The following ITSN2 variants were observed in gnomAD, a reference collection of about 807,000 sequenced individuals.
ITSN2 encodes intersectin 2, also known as intersectin-2.
In ITSN2, 156 loss-of-function variants were observed where a neutral mutation model predicts 243.7. The ratio of observed to expected loss-of-function variants is 0.64; its 90% CI spans 0.56 to 0.73. The LOEUF is 0.73. Ranked by LOEUF, ITSN2 falls within the 30% of genes least tolerant of loss-of-function variation. ITSN2 has a pLI of 0.00. For missense variants in ITSN2, 1,801 were observed against 1,996.1 expected, an observed-to-expected ratio of 0.90 and a Z score of 1.86; for synonymous variants, 703 against 699.9, an observed-to-expected ratio of 1.00 and a Z score of -0.07.
chr2:24,343,423 T>C (rs192327235), intron 1 of ITSN2, among the ~76,000 whole-genome samples: 26 of 152,318 alleles, frequency 1.7e-4, no homozygotes, highest in Non-Finnish European at 7.4e-5. Flanking sequence ...AGTAATCTTC[T>C]ATTTTTCCAG....
intron 4 of ITSN2, 118 bp from the exon 5 acceptor site, chr2:24,312,493 T>C (rs1186047908): frequency 1.7e-6 from 1 of 586,824 alleles, no homozygotes; most frequent in African/African-American, 1.9e-5. Context: ...ACATCATCAC[T>C]AAATTTAAAA....
chr2:24,337,325 T>TATATACATAC (rs1386839125), intron 1 of ITSN2, among the ~76,000 whole-genome samples: 1 of 94,472 alleles, frequency 1.1e-5, no homozygotes, highest in Non-Finnish European at 2.1e-5. Flanking sequence ...AATATATATA[T>TATATACATAC]ATATATATAT....
intron 1 of ITSN2, chr2:24,334,598 C>A: frequency 9.3e-7 from 1 of 1,070,658 alleles, no homozygotes. Flanking sequence ...ACAAGAAGGG[C>A]AAGAATTCTC....
intron 34 of ITSN2, chr2:24,210,308 G>A (rs1233652176): frequency 4.6e-6 from 2 of 430,678 alleles, no homozygotes; most frequent in Admixed American, 3.7e-5. Context: ...TCTCTCCTTA[G>A]GAGAAAGGAA....
chr2:24,275,346 G>C (rs184928697), intron 18 of ITSN2, among the ~76,000 whole-genome samples: 1 of 152,262 alleles, frequency 6.6e-6, no homozygotes, highest in African/African-American at 2.4e-5. Flanking sequence ...GTGTCACCAC[G>C]CCCAGTTCCA....
rs144301573 is a variant in ITSN2 at position 24,286,434 on chromosome 2, T to A, written c.1724-83A>T. On this transcript the variant is annotated intron_variant, in intron 15 of 39. Coordinates refer to ENST00000355123, the MANE Select transcript of ITSN2 (RefSeq NM_006277.3). ...CATGTCATTTACTGTTTGGTCAGAT[T>A]GATGTAACTAGACCAATACGAAGGA... The A allele has an allele frequency of 2.0e-5, 23 of 1,161,200 alleles. No individual in the cohort carries two copies. In the African/African-American group the frequency reaches 3.2e-4, roughly 16 times the overall value. 71.9% of individuals were successfully genotyped at this position (1,161,200 alleles called of 1,614,324 possible).
chr2:24,263,498 C>G (rs1325199842), intron 20 of ITSN2, among the ~76,000 whole-genome samples: 1 of 152,084 alleles, frequency 6.6e-6, no homozygotes, highest in Non-Finnish European at 1.5e-5. Context: ...TGAAAAATCA[C>G]CACAATCAAG....
At chr2:24,300,704 GA>G (rs569520202) in intron 11 of ITSN2, among the ~76,000 whole-genome samples, 10,542 of 136,640 alleles carry the variant, frequency 0.077, 381 homozygotes, top group Middle Eastern at 0.12. Flanking sequence ...GGGCAACAAG[GA>G]AAAAAAAAAA....
chr2:24,248,958 T>TAA, intron 25 of ITSN2, 76 bp from the exon 26 acceptor site: 3 of 1,369,542 alleles, frequency 2.2e-6, no homozygotes, highest in Non-Finnish European at 3.1e-6. Flanking sequence ...TAATGGGAAT[T>TAA]AGAGATTTCA....
intron 30 of ITSN2, chr2:24,220,181 A>G (rs985337966): frequency 4.2e-6 from 1 of 239,004 alleles, no homozygotes; most frequent in African/African-American, 2.3e-5. Context: ...TATGAAAGGC[A>G]TGGCCAGGTA....
intron 36 of ITSN2, among the ~76,000 whole-genome samples, chr2:24,208,816 C>T (rs760682435): frequency 1.3e-5 from 2 of 152,194 alleles, no homozygotes; most frequent in Admixed American, 6.5e-5. Flanking sequence ...CTGTCGCCTG[C>T]GGGCAGCCCC....
chr2:24,208,951 T>C (rs1314225637), intron 36 of ITSN2, 149 bp downstream of exon 36: 28 of 795,744 alleles, frequency 3.5e-5, no homozygotes, highest in East Asian at 5.5e-5. Context: ...AGGCCTACCA[T>C]GGGACTGGAG....
chr2:24,304,728 A>G (rs1328141840), intron 8 of ITSN2, among the ~76,000 whole-genome samples: 1 of 152,208 alleles, frequency 6.6e-6, no homozygotes, highest in Non-Finnish European at 1.5e-5. Context: ...TTGGACTGAA[A>G]GAAGATCCCT....
chr2:24,218,068 G>T, intron 30 of ITSN2, 55 bp from the exon 31 acceptor site: 2 of 1,143,140 alleles, frequency 1.7e-6, no homozygotes, highest in Non-Finnish European at 2.6e-6. Flanking sequence ...CACAGCCTAC[G>T]TGTGGTCTAA....
Position 24,251,309 on chromosome 2 carries a change from C to CAAAAAAAAAATTAAAAA in ITSN2, c.3120+1035_3120+1036insTTTTTAATTTTTTTTTT. Among the ~76,000 whole-genome samples, 4 of 22,012 alleles carry CAAAAAAAAAATTAAAAA rather than the reference C, an allele frequency of 1.8e-4. 2 individuals are homozygous for CAAAAAAAAAATTAAAAA. Among genetic ancestry groups the CAAAAAAAAAATTAAAAA allele is most frequent in the Middle Eastern group, 0.056 (2 of 36 alleles). The allele number at this position is 22,012 out of a possible 152,430, so 14.4% of individuals were successfully genotyped here. On this transcript the variant is annotated intron_variant, in intron 25 of 39. Transcript: ENST00000355123. ...TGGGCAACAGAACTAAACTCCATCT[C>CAAAAAAAAAATTAAAAA]AAAAAAAAAAAAAAATAAAATATAT...
rs189256284 is a variant in ITSN2 at position 24,231,264 on chromosome 2, A to C, written c.3578-10198T>G. Among the ~76,000 whole-genome samples, 138 of 152,328 alleles carry C rather than the reference A, an allele frequency of 9.1e-4. 1 individual carries two copies. The highest frequency in any genetic ancestry group is 3.4e-3 in the Middle Eastern group (1 of 294). ...TTTAGCCTACTCAAACACCAGCTCC[A>C]AGATGGCAGAAATTTTTGTCTTATA... On this transcript the variant is annotated intron_variant, in intron 29 of 39. Transcript: ENST00000355123.
At chr2:24,285,694 G>A (rs1160435633) in intron 16 of ITSN2, among the ~76,000 whole-genome samples, 3 of 152,144 alleles carry the variant, frequency 2.0e-5, no homozygotes, top group East Asian at 3.8e-4. Flanking sequence ...CTGCCACTGC[G>A]GCAAACAATG....
At chr2:24,358,423 G>A (rs757978928) in intron 1 of ITSN2, among the ~76,000 whole-genome samples, 14 of 152,176 alleles carry the variant, frequency 9.2e-5, no homozygotes, top group South Asian at 2.1e-4. Context: ...AAATGATTAT[G>A]TAAAACACTT....
chr2:24,229,390 C>A (rs904584835), intron 29 of ITSN2, among the ~76,000 whole-genome samples: 6 of 151,940 alleles, frequency 3.9e-5, no homozygotes, highest in African/African-American at 1.5e-4. Flanking sequence ...GGAGTTCGAG[C>A]CCAGCCTGGC....
Sources: allele counts gnomAD v4.1 joint callset (sites outside exome capture counted in the v4.1 genomes callset), GRCh38; gene constraint gnomAD v4.1.1; transcripts MANE v1.5; gene names NCBI Gene and HGNC (gene_info 2026-07-23, HGNC 2026-07-21).